The following MATN2 variants were observed in gnomAD, a reference collection of about 807,000 sequenced individuals.
The protein encoded by MATN2 is matrilin-2.
Under a neutral mutation model 103.2 loss-of-function variants are expected in MATN2, and 69 were observed. The ratio of observed to expected loss-of-function variants is 0.67; its 90% confidence interval spans 0.55 to 0.82. MATN2 has a LOEUF of 0.82. MATN2 is among the 40% of genes least tolerant of loss of function. The pLI, the probability that MATN2 is intolerant of heterozygous loss-of-function variation, is 0.00. For synonymous variants in MATN2, 429 were observed against 450.2 expected, an observed-to-expected ratio of 0.95 and a Z score of 0.60; for missense variants, 1,023 against 1,211.5, an observed-to-expected ratio of 0.84 and a Z score of 2.31.
chr8:98,024,211 AAAC>A (rs1248879178), intron 13 of MATN2, among the ~76,000 whole-genome samples: 3 of 152,188 alleles, frequency 2.0e-5, no homozygotes, highest in Non-Finnish European at 4.4e-5. Flanking sequence ...TAAATTTAAA[AAAC>A]AACAGACAGG....
At chr8:98,033,484 C>G in intron 17 of MATN2, 77 bp from the exon 18 acceptor site, 1 of 768,166 alleles carries the variant, frequency 1.3e-6, no homozygotes, top group Non-Finnish European at 2.1e-6. Flanking sequence ...CCTCCATATG[C>G]TGATTCATTC....
At chr8:98,003,576 G>A (rs1392803072) in intron 7 of MATN2, 85 bp from the exon 8 acceptor site, 1 of 1,522,776 alleles carries the variant, frequency 6.6e-7, no homozygotes. Context: ...CCTCTCCATG[G>A]GGGCTCATGG....
intron 2 of MATN2, among the ~76,000 whole-genome samples, chr8:97,889,968 C>T (rs1416597953): frequency 6.6e-6 from 1 of 152,176 alleles, no homozygotes; most frequent in African/African-American, 2.4e-5. Context: ...TGCCTAGAAG[C>T]CCATTTTGCT....
At chr8:97,882,060 T>A (rs1040825820) in intron 1 of MATN2, among the ~76,000 whole-genome samples, 2 of 151,724 alleles carry the variant, frequency 1.3e-5, no homozygotes, top group African/African-American at 4.8e-5. Context: ...TAGCTGGGAT[T>A]ACAGGTGTGC....
chr8:97,944,384 C>T (rs1290666443), intron 4 of MATN2, among the ~76,000 whole-genome samples: 3 of 152,208 alleles, frequency 2.0e-5, no homozygotes, highest in African/African-American at 7.2e-5. Context: ...TCTTAACCTT[C>T]AGCCAGACTT....
In MATN2 at chr8:98,015,857, T is replaced by G. The variant is rs1813341326; in HGVS notation, c.1574-683T>G. On this transcript the variant is annotated intron_variant, in intron 10 of 18. Coordinates refer to ENST00000254898, the MANE Select transcript of MATN2 (RefSeq NM_002380.5). ...GAGTCTAAAACAGTGCCTGGCTCAT[T>G]GCAGGGACTCACAAAATATTTGTGA... Among the ~76,000 whole-genome samples the G allele has an allele frequency of 2.6e-5, 4 of 152,334 alleles. No homozygotes were observed. The South Asian group carries it at 8.3e-4, about 32-fold the overall frequency.
intron 2 of MATN2, among the ~76,000 whole-genome samples, chr8:97,903,262 A>G (rs150629823): frequency 3.6e-4 from 54 of 152,078 alleles, no homozygotes; most frequent in African/African-American, 1.3e-3. Context: ...GTACCTTTGG[A>G]ATTCGTGGCA....
intron 1 of MATN2, among the ~76,000 whole-genome samples, chr8:97,880,143 G>C (rs891202983): frequency 6.7e-6 from 1 of 149,806 alleles, no homozygotes; most frequent in Non-Finnish European, 1.5e-5. Flanking sequence ...CAGTGCAGTG[G>C]CGCCATCTCA....
At position 97,994,468 on chromosome 8, in the gene MATN2, C is replaced by T. The variant is rs777098550; in HGVS notation, c.1082-12C>T. 34 of 1,592,556 alleles carry T rather than the reference C, an allele frequency of 2.1e-5. No individual in the cohort carries two copies. Among genetic ancestry groups the T allele is most frequent in the Non-Finnish European group, 2.9e-5 (34 of 1,172,756 alleles). ...TTGGTTTGCCATTCTTGTGATTTTT[C>T]CTTCTTGCCAGAGATAGACTACTGT... On this transcript the variant is annotated splice_polypyrimidine_tract_variant and intron_variant, in intron 6 of 18. Coordinates refer to ENST00000254898, the MANE Select transcript of MATN2 (RefSeq NM_002380.5).
chr8:97,909,909 G>C (rs868487770), intron 2 of MATN2, among the ~76,000 whole-genome samples: 1 of 149,768 alleles, frequency 6.7e-6, no homozygotes, highest in African/African-American at 2.5e-5. Flanking sequence ...TCAGCCTCCT[G>C]AGTAGCTGGG....
chr8:97,998,662 A>ATT (rs200398068), intron 7 of MATN2, among the ~76,000 whole-genome samples: 2 of 143,820 alleles, frequency 1.4e-5, no homozygotes, highest in East Asian at 2.0e-4. Context: ...TATTTTTAAA[A>ATT]TTTTAAAAAT....
chr8:97,899,343 C>A (rs72675240), intron 2 of MATN2, among the ~76,000 whole-genome samples: 1 of 152,242 alleles, frequency 6.6e-6, no homozygotes, highest in East Asian at 1.9e-4. Context: ...AATTAACGGA[C>A]TCTTCCTCAA....
chr8:98,031,045 C>T (rs936120569), intron 15 of MATN2, among the ~76,000 whole-genome samples: 1 of 152,018 alleles, frequency 6.6e-6, no homozygotes, highest in Admixed American at 6.5e-5. Flanking sequence ...AGAAACAGTA[C>T]AAAAAGAAGG....
intron 6 of MATN2, among the ~76,000 whole-genome samples, chr8:97,987,025 T>C (rs1009134230): frequency 6.6e-6 from 1 of 151,382 alleles, no homozygotes; most frequent in Non-Finnish European, 1.5e-5. Flanking sequence ...GTATTTTTAG[T>C]AGAGACAGGG....
intron 2 of MATN2, among the ~76,000 whole-genome samples, chr8:97,924,710 C>A (rs1268722234): frequency 7.4e-6 from 1 of 135,524 alleles, no homozygotes; most frequent in Non-Finnish European, 1.6e-5. Context: ...CTGTTTTCAT[C>A]ATATTATTAA....
intron 3 of MATN2, among the ~76,000 whole-genome samples, chr8:97,937,235 G>T (rs1459909841): frequency 6.6e-6 from 1 of 152,136 alleles, no homozygotes. Context: ...CCGATGCAAG[G>T]TGTCTGGAGT....
At chr8:98,002,012 G>C (rs1483215099) in intron 7 of MATN2, among the ~76,000 whole-genome samples, 1 of 152,136 alleles carries the variant, frequency 6.6e-6, no homozygotes, top group Non-Finnish European at 1.5e-5. Context: ...GAACAATGCT[G>C]TGCAGTTAAA....
chr8:97,999,967 A>G (rs981639251), intron 7 of MATN2, among the ~76,000 whole-genome samples: 5 of 149,888 alleles, frequency 3.3e-5, no homozygotes, highest in African/African-American at 1.2e-4. Context: ...TGCAACCTCC[A>G]TCTCCTGGGT....
intron 8 of MATN2, chr8:98,004,428 C>T (rs1266577058): frequency 1.3e-5 from 2 of 152,584 alleles, no homozygotes; most frequent in Non-Finnish European, 2.9e-5. Context: ...AATCCAACCT[C>T]TCCCACCTAC....
Sources: gnomAD v4.1 joint callset for allele counts (sites outside exome capture counted in the v4.1 genomes callset) on GRCh38, gnomAD v4.1.1 for gene constraint, MANE v1.5 for transcripts, NCBI Gene and HGNC (gene_info 2026-07-23, HGNC 2026-07-21) for gene names.